Variants in FAM156A observed in about 807,000 individuals in gnomAD.
The protein encoded by FAM156A is protein FAM156A/FAM156B.
At chrX:52,994,152 T>C (rs1931001203) in intron 1 of FAM156A, among the ~76,000 whole-genome samples, 1 of 108,772 alleles carries the variant, frequency 9.2e-6, no homozygotes, top group African/African-American at 3.4e-5. Flanking sequence ...GCTCAGATAC[T>C]CAAAGACATC....
chrX:52,981,956 C>T (rs142564868), intron 1 of FAM156A, among the ~76,000 whole-genome samples: 2,258 of 109,849 alleles, frequency 0.021, 21 homozygotes, highest in Non-Finnish European at 0.029. Flanking sequence ...GTTAGAAAAC[C>T]AGTGTGTACT....
intron 1 of FAM156A, among the ~76,000 whole-genome samples, chrX:52,982,430 G>A (rs1400037043): frequency 9.0e-6 from 1 of 111,461 alleles, no homozygotes; most frequent in East Asian, 2.8e-4. Flanking sequence ...CTCCAGACTG[G>A]GTGATAGAGT....
chrX:52,974,622 C>T (rs782301209), intron 1 of FAM156A, among the ~76,000 whole-genome samples: 132 of 111,289 alleles, frequency 1.2e-3, no homozygotes, highest in African/African-American at 4.2e-3. Flanking sequence ...CGATGATGGA[C>T]TAATGACCTA....
intron 1 of FAM156A, among the ~76,000 whole-genome samples, chrX:52,975,567 C>A (rs1202479806): frequency 8.9e-6 from 1 of 112,245 alleles, no homozygotes; most frequent in African/African-American, 3.2e-5. Flanking sequence ...AAACTAATGA[C>A]CACAACAACC....
intron 1 of FAM156A, among the ~76,000 whole-genome samples, chrX:52,977,604 T>C (rs1424123264): frequency 5.4e-5 from 6 of 110,593 alleles, no homozygotes; most frequent in African/African-American, 2.0e-4. Context: ...GCCCAGCTTA[T>C]TTTTTTATTC....
intron 1 of FAM156A, among the ~76,000 whole-genome samples, chrX:52,989,518 G>A (rs1930544996): frequency 8.9e-6 from 1 of 112,686 alleles, no homozygotes; most frequent in Non-Finnish European, 1.9e-5. Flanking sequence ...GAGACTGAGT[G>A]TCGTAGAGGG....
At chrX:52,985,944 C>G (rs1429326625) in intron 1 of FAM156A, among the ~76,000 whole-genome samples, 1 of 109,779 alleles carries the variant, frequency 9.1e-6, no homozygotes, top group Non-Finnish European at 1.9e-5. Flanking sequence ...ATAAAATAAA[C>G]CAATAATAAA....
intron 1 of FAM156A, among the ~76,000 whole-genome samples, chrX:52,977,559 C>G (rs1168658033): frequency 9.0e-6 from 1 of 111,169 alleles, no homozygotes; most frequent in African/African-American, 3.3e-5. Context: ...ACCTCAGACC[C>G]CTGAGTAGCT....
chrX:52,990,806 G>GAA lies in FAM156A; in HGVS notation c.-434+4498_-434+4499dup, dbSNP rs1221374594. Among the ~76,000 whole-genome samples, 629 of 78,717 alleles carry GAA rather than the reference G, an allele frequency of 8.0e-3. 2 individuals carry two copies. The highest frequency in any genetic ancestry group is 0.021 in the Middle Eastern group (3 of 143). 68.4% of individuals were successfully genotyped at this position (78,717 alleles called of 115,157 possible). On this transcript the variant is annotated intron_variant, in intron 1 of 4. Transcript: ENST00000610625. ...AGAAAAGAAAAGAAAAGAAAGAAAA[G>GAA]AAAAGAAAAGAAAAGAAAAGAAAAG...
At chrX:52,978,950 C>T (rs1316257988) in intron 1 of FAM156A, among the ~76,000 whole-genome samples, 3 of 112,290 alleles carry the variant, frequency 2.7e-5, no homozygotes, top group African/African-American at 9.7e-5. Flanking sequence ...TTTAAAAGTG[C>T]AGATTCCAGA....
intron 1 of FAM156A, among the ~76,000 whole-genome samples, chrX:52,974,192 T>C (rs1235941942): frequency 1.8e-5 from 2 of 111,854 alleles, no homozygotes; most frequent in African/African-American, 6.5e-5. Context: ...GGCTCTGACA[T>C]AGGTAGACAT....
chrX:52,976,816 T>C (rs1929504416), intron 1 of FAM156A, among the ~76,000 whole-genome samples: 1 of 110,670 alleles, frequency 9.0e-6, no homozygotes, highest in African/African-American at 3.3e-5. Context: ...CCCTGTATTA[T>C]CGAAATATGA....
chrX:52,991,575 G>C (rs1398614612), intron 1 of FAM156A, among the ~76,000 whole-genome samples: 4 of 111,347 alleles, frequency 3.6e-5, no homozygotes, highest in African/African-American at 9.8e-5. Flanking sequence ...TCACAATAGT[G>C]ATATAAAAGG....
chrX:52,981,890 G>A (rs1457998434), intron 1 of FAM156A, among the ~76,000 whole-genome samples: 7 of 109,214 alleles, frequency 6.4e-5, no homozygotes, highest in Non-Finnish European at 1.3e-4. Context: ...GATCACTAAT[G>A]TCCCCTCTCT....
chrX:52,973,467 T>C (rs12689963), intron 1 of FAM156A, among the ~76,000 whole-genome samples: 22,833 of 107,835 alleles, frequency 0.21, 1,878 homozygotes, highest in East Asian at 0.38. Context: ...TCAGCACAAT[T>C]TTTTTTAATG....
chrX:52,986,043 C>T (rs1293181114), intron 1 of FAM156A, among the ~76,000 whole-genome samples: 1 of 109,707 alleles, frequency 9.1e-6, no homozygotes, highest in Non-Finnish European at 1.9e-5. Context: ...GGGTTGGTTC[C>T]AAGTCTTTGC....
At position 52,975,823 on chromosome X, in the gene FAM156A, AG is replaced by A. The variant is rs1180662217; in HGVS notation, c.-433-11589del. ...TGCCAAATTGCGCCACTGGAGCCGAAGGAGAGGAAAGGTCTAAGGAGACGTC... is the reference window on the plus strand; with the variant it reads ...TGCCAAATTGCGCCACTGGAGCCGAAGAGAGGAAAGGTCTAAGGAGACGTC... On this transcript the variant is annotated intron_variant, in intron 1 of 4. Transcript: ENST00000610625. 2.7e-5 allele frequency among the ~76,000 whole-genome samples: 3 copies of A among 112,135 alleles called. No homozygotes were observed. In the East Asian group the frequency reaches 8.4e-4, roughly 31 times the overall value.
chrX:52,991,031 G>A (rs1186430084), intron 1 of FAM156A, among the ~76,000 whole-genome samples: 9 of 111,258 alleles, frequency 8.1e-5, no homozygotes, highest in Non-Finnish European at 1.3e-4. Context: ...ATTCATGTTA[G>A]GTGGTCAGCC....
intron 1 of FAM156A, among the ~76,000 whole-genome samples, chrX:52,977,186 G>A (rs1556792516): frequency 1.9e-5 from 2 of 107,267 alleles, no homozygotes; most frequent in African/African-American, 3.4e-5. Flanking sequence ...CTGGCCCAGA[G>A]TAAGTATCCA....
Sources: allele counts gnomAD v4.1 joint callset (sites outside exome capture counted in the v4.1 genomes callset), GRCh38; gene constraint gnomAD v4.1.1; transcripts MANE v1.5; gene names NCBI Gene and HGNC (gene_info 2026-07-23, HGNC 2026-07-21).